The following LYPLAL1 variants were observed in gnomAD, a reference collection of about 807,000 sequenced individuals.
LYPLAL1 encodes the protein lysophospholipase like 1.
A neutral mutation model predicts 19.7 loss-of-function variants in LYPLAL1; 23 were observed. That is an observed-to-expected ratio of 1.17 (90% CI 0.84 to 1.65). The LOEUF (loss-of-function observed/expected upper bound fraction) is 1.65. Among genes scored for constraint, LYPLAL1 ranks in the 40% most tolerant of loss-of-function variants. The pLI is 0.00. For missense variants in LYPLAL1, 355 were observed against 279.4 expected (o/e 1.27, Z -1.93); for synonymous variants, 119 against 96.3 (o/e 1.24, Z -1.38).
chr1:219,401,194 ATT>A, the LYPLAL1 span, among the ~76,000 whole-genome samples: 1 of 151,918 alleles, frequency 6.6e-6, no homozygotes, highest in South Asian at 2.1e-4. Context: ...TGATCTGCTA[ATT>A]TATCACTACT....
At chr1:219,406,579 C>A in the LYPLAL1 span, among the ~76,000 whole-genome samples, 2 of 152,116 alleles carry the variant, frequency 1.3e-5, no homozygotes, top group Non-Finnish European at 2.9e-5. Context: ...CTGAAACGAA[C>A]ATTCTGATAT....
chr1:219,238,105 AG>A, the LYPLAL1 span, among the ~76,000 whole-genome samples: 354 of 149,654 alleles, frequency 2.4e-3, 5 homozygotes, highest in African/African-American at 7.8e-3. Flanking sequence ...GATTTCTGAA[AG>A]CTTGGTGGAT....
the LYPLAL1 span, among the ~76,000 whole-genome samples, chr1:219,353,826 A>T: frequency 6.6e-6 from 1 of 152,214 alleles, no homozygotes; most frequent in Non-Finnish European, 1.5e-5. Context: ...ACATCAAAAT[A>T]TGACCGAGAA....
At chr1:219,418,412 C>T in the LYPLAL1 span, among the ~76,000 whole-genome samples, 1 of 152,286 alleles carries the variant, frequency 6.6e-6, no homozygotes. Context: ...TCCCAGTCCT[C>T]CCAGCACTGA....
chr1:219,376,158 G>C, the LYPLAL1 span, among the ~76,000 whole-genome samples: 1 of 152,130 alleles, frequency 6.6e-6, no homozygotes, highest in African/African-American at 2.4e-5. Context: ...ATAGACCAGT[G>C]AAATAAAGCA....
the LYPLAL1 span, among the ~76,000 whole-genome samples, chr1:219,440,604 TTAATAATGGCTATAGAAA>T: frequency 6.6e-6 from 1 of 152,184 alleles, no homozygotes; most frequent in African/African-American, 2.4e-5. Flanking sequence ...AATTTCTTAG[TTAATAATGGCTATAGAAA>T]TAAAAACAAT....
At chr1:219,320,157 A>G in the LYPLAL1 span, among the ~76,000 whole-genome samples, 2 of 152,102 alleles carry the variant, frequency 1.3e-5, no homozygotes, top group South Asian at 4.1e-4. Context: ...TTCTATCTCC[A>G]TTCTCCGTCC....
chr1:219,391,760 T>C, the LYPLAL1 span, among the ~76,000 whole-genome samples: 1 of 152,158 alleles, frequency 6.6e-6, no homozygotes, highest in East Asian at 1.9e-4. Context: ...TCTTGGGAAC[T>C]CCTCAGTCTA....
At chr1:219,224,465 T>A in the LYPLAL1 span, among the ~76,000 whole-genome samples, 2 of 152,152 alleles carry the variant, frequency 1.3e-5, no homozygotes, top group African/African-American at 4.8e-5. Flanking sequence ...AAAGAACTTT[T>A]ATTACTGGAG....
chr1:219,248,240 C>T, the LYPLAL1 span, among the ~76,000 whole-genome samples: 1 of 152,228 alleles, frequency 6.6e-6, no homozygotes, highest in East Asian at 1.9e-4. Context: ...TTGTGCTGCT[C>T]TTTGAAAATA....
the LYPLAL1 span, among the ~76,000 whole-genome samples, chr1:219,265,833 G>T: frequency 6.6e-6 from 1 of 151,974 alleles, no homozygotes; most frequent in Non-Finnish European, 1.5e-5. Context: ...TTAGTAAAAT[G>T]GTAAATATTT....
At chr1:219,259,689 G>A in the LYPLAL1 span, among the ~76,000 whole-genome samples, 1 of 150,990 alleles carries the variant, frequency 6.6e-6, no homozygotes, top group Admixed American at 6.6e-5. Context: ...CTGGGTATAG[G>A]GTACACTGGT....
At chr1:219,344,364 G>A in the LYPLAL1 span, among the ~76,000 whole-genome samples, 8 of 152,060 alleles carry the variant, frequency 5.3e-5, no homozygotes, top group African/African-American at 9.7e-5. Context: ...CACGATTCTC[G>A]TCTCCCTTCT....
chr1:219,344,230 C>T, the LYPLAL1 span, among the ~76,000 whole-genome samples: 11 of 152,306 alleles, frequency 7.2e-5, no homozygotes, highest in East Asian at 2.1e-3. Context: ...GTTGTTCACT[C>T]AAAGAAACCA....
chr1:219,388,288 C>A, the LYPLAL1 span, among the ~76,000 whole-genome samples: 1 of 152,072 alleles, frequency 6.6e-6, no homozygotes, highest in Non-Finnish European at 1.5e-5. Flanking sequence ...AAAATACAGA[C>A]TTTCTCAGAG....
the LYPLAL1 span, among the ~76,000 whole-genome samples, chr1:219,240,428 C>G: frequency 6.0e-4 from 91 of 152,144 alleles, no homozygotes; most frequent in East Asian, 3.9e-4. Flanking sequence ...AAATAAAATT[C>G]CATTGCATAA....
the LYPLAL1 span, among the ~76,000 whole-genome samples, chr1:219,419,773 A>G: frequency 5.9e-5 from 9 of 152,292 alleles, no homozygotes; most frequent in African/African-American, 2.2e-4. Flanking sequence ...GTCCCAGGAC[A>G]TCACCAACAA....
the LYPLAL1 span, among the ~76,000 whole-genome samples, chr1:219,362,634 G>A: frequency 0.034 from 5,151 of 152,208 alleles, 281 homozygotes; most frequent in African/African-American, 0.12. Context: ...CGTACCTGCA[G>A]GAAATGGCAA....
chr1:219,326,606 G>C, the LYPLAL1 span, among the ~76,000 whole-genome samples: 1 of 152,146 alleles, frequency 6.6e-6, no homozygotes, highest in African/African-American at 2.4e-5. Flanking sequence ...CTACCTATTT[G>C]ATTCAAATTA....
Sources: gnomAD v4.1 joint callset for allele counts (sites outside exome capture counted in the v4.1 genomes callset) on GRCh38, gnomAD v4.1.1 for gene constraint, MANE v1.5 for transcripts, NCBI Gene and HGNC (gene_info 2026-07-23, HGNC 2026-07-21) for gene names.